The following MYO9A variants were observed in gnomAD, a reference collection of about 807,000 sequenced individuals.
MYO9A encodes the protein unconventional myosin-IXa.
MYO9A carries 103 observed loss-of-function variants against 293.3 expected under a neutral mutation model. The observed-to-expected ratio is 0.35, with a 90% CI of 0.30 to 0.41. The LOEUF is 0.41. MYO9A is among the 10% of genes least tolerant of loss of function. The pLI, the probability that MYO9A is intolerant of heterozygous loss-of-function variation, is 1.00. For synonymous variants in MYO9A, 1,001 were observed against 1,035.7 expected (o/e 0.97, Z 0.64); for missense variants, 2,685 against 3,033.0 (o/e 0.89, Z 2.69).
chr15:71,934,377 C>G (rs1185829444), intron 17 of MYO9A, among the ~76,000 whole-genome samples: 1 of 151,934 alleles, frequency 6.6e-6, no homozygotes, highest in Admixed American at 6.6e-5. Flanking sequence ...ACAGGGAGGA[C>G]AATACTACCT....
chr15:72,016,511 T>A (rs1160782861), intron 6 of MYO9A, among the ~76,000 whole-genome samples: 1 of 152,200 alleles, frequency 6.6e-6, no homozygotes, highest in African/African-American at 2.4e-5. Flanking sequence ...ACATAAGTAA[T>A]GTAGTACAAC....
chr15:72,115,452 A>C (rs1360768131), intron 1 of MYO9A, among the ~76,000 whole-genome samples: 1 of 152,206 alleles, frequency 6.6e-6, no homozygotes, highest in East Asian at 1.9e-4. Context: ...TCCCCACCTC[A>C]GTGAAAGGCA....
At chr15:72,008,202 C>T (rs577027081) in intron 7 of MYO9A, among the ~76,000 whole-genome samples, 31 of 152,112 alleles carry the variant, frequency 2.0e-4, no homozygotes, top group Non-Finnish European at 3.8e-4. Flanking sequence ...TCTGCTATTG[C>T]CTGAATTTGT....
At chr15:71,930,492 T>C (rs759576074) in intron 18 of MYO9A, among the ~76,000 whole-genome samples, 1 of 152,134 alleles carries the variant, frequency 6.6e-6, no homozygotes, top group Admixed American at 6.6e-5. Flanking sequence ...TGACTTTATT[T>C]TGTCTGTTAT....
At chr15:72,019,329 C>A (rs778536595) in intron 5 of MYO9A, among the ~76,000 whole-genome samples, 11 of 152,050 alleles carry the variant, frequency 7.2e-5, no homozygotes, top group Non-Finnish European at 1.5e-4. Flanking sequence ...TAAACTGAGT[C>A]CCATATCCTA....
chr15:71,824,756 T>TTAA lies in MYO9A; in HGVS notation c.*1821_*1823dup, dbSNP rs1187306247. ...ATTAACTATCATTATTCTGGAGATTTTAATGGCTTCCTTTCTCTGGCTCAA... is the reference window on the plus strand; with the variant it reads ...ATTAACTATCATTATTCTGGAGATTTTAATAATGGCTTCCTTTCTCTGGCTCAA... On this transcript the variant is annotated 3_prime_UTR_variant, in exon 42 of 42. Transcript: ENST00000356056. 6.6e-6 allele frequency: 1 copy of TTAA among 152,202 alleles called. No homozygotes were observed. Among genetic ancestry groups the TTAA allele is most frequent in the African/African-American group, 2.4e-5 (1 of 41,450 alleles). The allele number at this position is 152,202 out of a possible 1,614,324, so 9.4% of individuals were successfully genotyped here.
At chr15:72,096,787 C>T (rs767785274) in intron 1 of MYO9A, among the ~76,000 whole-genome samples, 1 of 152,172 alleles carries the variant, frequency 6.6e-6, no homozygotes, top group Non-Finnish European at 1.5e-5. Flanking sequence ...AAGAGGTCAA[C>T]ATAACATTAA....
chr15:72,098,812 AAAAAC>A (rs754861307), intron 1 of MYO9A, among the ~76,000 whole-genome samples: 60 of 152,252 alleles, frequency 3.9e-4, no homozygotes, highest in South Asian at 1.0e-3. Flanking sequence ...CCCCCATCTC[AAAAAC>A]AAAACAAAAC....
intron 11 of MYO9A, among the ~76,000 whole-genome samples, chr15:71,982,959 A>G (rs2148043019): frequency 6.6e-6 from 1 of 152,300 alleles, no homozygotes; most frequent in African/African-American, 2.4e-5. Context: ...TAATATAGCT[A>G]CAACTGCTTT....
intron 2 of MYO9A, among the ~76,000 whole-genome samples, chr15:72,039,206 T>A (rs1458770786): frequency 6.6e-6 from 1 of 152,126 alleles, no homozygotes; most frequent in African/African-American, 2.4e-5. Context: ...CACAAGTATG[T>A]CATTGTTTTA....
At position 72,083,584 on chromosome 15, in the gene MYO9A, T is replaced by C. The variant is rs188025650; in HGVS notation, c.-72+34096A>G. Among the ~76,000 whole-genome samples the C allele has an allele frequency of 7.0e-4, 106 of 152,342 alleles. 1 individual carries two copies. Among genetic ancestry groups the C allele is most frequent in the Non-Finnish European group, 1.4e-3 (96 of 68,030 alleles). Reference sequence around the variant, plus strand: ...TTTGCTCTTGGTTTTCTAGTTCTTTTAGTTGTGATATTAGGTTGTTAAATT... The same window carrying C: ...TTTGCTCTTGGTTTTCTAGTTCTTTCAGTTGTGATATTAGGTTGTTAAATT... On this transcript the variant is annotated intron_variant, in intron 1 of 41. Coordinates refer to ENST00000356056, the MANE Select transcript of MYO9A (RefSeq NM_006901.4).
intron 22 of MYO9A, 138 bp from the exon 23 acceptor site, chr15:71,901,478 T>C (rs2057482379): frequency 1.2e-6 from 1 of 852,348 alleles, no homozygotes; most frequent in Non-Finnish European, 1.8e-6. Context: ...CTGATAAATA[T>C]TCCTACAGAT....
rs369643437 is a variant in MYO9A, at chr15:72,010,335, A to C, written c.1253+15T>G. On this transcript the variant is annotated intron_variant, in intron 7 of 41. Transcript: ENST00000356056. ...TTCTCTATTAGAGATATAAAAATACAACAAGTAAACTCACTGTCTTCGTGT... is the reference window on the plus strand; with the variant it reads ...TTCTCTATTAGAGATATAAAAATACCACAAGTAAACTCACTGTCTTCGTGT... 8.3e-5 allele frequency: 133 copies of C among 1,605,664 alleles called. 2 individuals are homozygous for C. The East Asian group carries it at 1.3e-3, about 15-fold the overall frequency.
intron 19 of MYO9A, among the ~76,000 whole-genome samples, chr15:71,906,253 A>G (rs1263978435): frequency 1.3e-5 from 2 of 152,188 alleles, no homozygotes; most frequent in Non-Finnish European, 2.9e-5. Context: ...CTTGGCAAGT[A>G]TTTCATGGGC....
At chr15:71,849,995 A>T in intron 38 of MYO9A, 41 bp downstream of exon 38, 1 of 1,607,582 alleles carries the variant, frequency 6.2e-7, no homozygotes, top group Middle Eastern at 1.7e-4. Flanking sequence ...CATAGTCAGA[A>T]GTCCCTGAGG....
rs541835951 is a variant in MYO9A, at chr15:72,056,584, TG to T, written c.-71-9951del. ...AATGACACAGTGAACTTTGGGGACT[TG>T]GGGGAAAAGGTGGGAGGTGGGTGAG... On this transcript the variant is annotated intron_variant, in intron 1 of 41. Coordinates refer to ENST00000356056, the MANE Select transcript of MYO9A (RefSeq NM_006901.4). Among the ~76,000 whole-genome samples, 66 of 152,206 alleles carry T rather than the reference TG, an allele frequency of 4.3e-4. 2 individuals are homozygous for T. In the South Asian group the frequency reaches 0.014, roughly 32 times the overall value.
At chr15:72,004,107 T>C (rs1389204620) in intron 8 of MYO9A, among the ~76,000 whole-genome samples, 1 of 152,226 alleles carries the variant, frequency 6.6e-6, no homozygotes, top group Non-Finnish European at 1.5e-5. Flanking sequence ...AATTCACGAT[T>C]TTTTAATCAG....
intron 1 of MYO9A, among the ~76,000 whole-genome samples, chr15:72,079,321 T>A (rs1343619790): frequency 1.3e-5 from 2 of 152,092 alleles, no homozygotes; most frequent in Admixed American, 6.5e-5. Flanking sequence ...AAATTTAAAA[T>A]TTTAAAAATA....
At chr15:72,021,059 T>G in intron 4 of MYO9A, 42 bp from the exon 5 acceptor site, 1 of 1,301,746 alleles carries the variant, frequency 7.7e-7, no homozygotes, top group East Asian at 2.7e-5. Context: ...ATGTGTGACT[T>G]ATGGTTATCA....
Sources: gnomAD v4.1 joint callset for allele counts (sites outside exome capture counted in the v4.1 genomes callset) on GRCh38, gnomAD v4.1.1 for gene constraint, MANE v1.5 for transcripts, NCBI Gene and HGNC (gene_info 2026-07-23, HGNC 2026-07-21) for gene names.